The following SEC22A variants were observed in gnomAD, a reference collection of about 807,000 sequenced individuals.
SEC22A encodes the protein vesicle-trafficking protein SEC22a.
SEC22A carries 22 observed loss-of-function variants against 35.3 expected under a neutral mutation model. The observed-to-expected ratio is 0.62, with a 90% confidence interval of 0.45 to 0.89. The LOEUF (loss-of-function observed/expected upper bound fraction) is 0.89. Among genes scored for constraint, SEC22A ranks in the 40% least tolerant of loss-of-function variants. The pLI is 0.00. For synonymous variants in SEC22A, 119 were observed against 129.5 expected (o/e 0.92, Z 0.55); for missense variants, 354 against 362.5 (o/e 0.98, Z 0.19).
At chr3:123,217,933 T>C (rs1937061424) in intron 2 of SEC22A, among the ~76,000 whole-genome samples, 1 of 152,226 alleles carries the variant, frequency 6.6e-6, no homozygotes, top group South Asian at 2.1e-4. Context: ...GAGGAAGATA[T>C]TTGCTATTAC....
At position 123,232,612 on chromosome 3, in the gene SEC22A, C is replaced by T. The variant is rs558169032; in HGVS notation, c.541+7315C>T. 2.2e-4 allele frequency among the ~76,000 whole-genome samples: 33 copies of T among 152,100 alleles called. No individual in the cohort carries two copies. The East Asian group carries it at 3.5e-3, about 16-fold the overall frequency. ...CTGTAATCCCACCACTTTGGGAGGC[C>T]GAAGCAGGTAGATGGCTTGAGCTCA... On this transcript the variant is annotated intron_variant, in intron 4 of 6. Transcript: ENST00000492595.
At chr3:123,214,502 C>T (rs930871836) in intron 2 of SEC22A, among the ~76,000 whole-genome samples, 17 of 152,264 alleles carry the variant, frequency 1.1e-4, no homozygotes, top group African/African-American at 3.4e-4. Flanking sequence ...GTGATTTCTT[C>T]TCACATTCTA....
At chr3:123,271,220 T>G (rs935542629) in intron 6 of SEC22A, among the ~76,000 whole-genome samples, 1 of 152,196 alleles carries the variant, frequency 6.6e-6, no homozygotes, top group Non-Finnish European at 1.5e-5. Flanking sequence ...CCTGTCACCA[T>G]GGGGAATTTG....
intron 6 of SEC22A, among the ~76,000 whole-genome samples, chr3:123,262,910 G>A (rs184214008): frequency 2.4e-4 from 36 of 152,222 alleles, no homozygotes; most frequent in African/African-American, 7.5e-4. Context: ...GAGATCTTAC[G>A]TACCCTTTAC....
At chr3:123,229,480 T>A (rs901810336) in intron 4 of SEC22A, among the ~76,000 whole-genome samples, 3 of 152,148 alleles carry the variant, frequency 2.0e-5, no homozygotes, top group Non-Finnish European at 4.4e-5. Flanking sequence ...AGTTATCTTT[T>A]AAAAAAATGA....
chr3:123,202,468 T>C (rs9860932), intron 1 of SEC22A, among the ~76,000 whole-genome samples: 29,871 of 151,956 alleles, frequency 0.2, 3,036 homozygotes, highest in Middle Eastern at 0.28. Flanking sequence ...TACTTTACGT[T>C]TTGTGGGGAT....
chr3:123,250,588 C>T (rs941363202), intron 5 of SEC22A, among the ~76,000 whole-genome samples: 1 of 152,098 alleles, frequency 6.6e-6, no homozygotes, highest in South Asian at 2.1e-4. Flanking sequence ...TATGGAGGGA[C>T]GAGTCTTCCT....
intron 2 of SEC22A, among the ~76,000 whole-genome samples, 166 bp from the exon 3 acceptor site, chr3:123,223,393 T>C (rs1332651155): frequency 6.6e-6 from 1 of 152,218 alleles, no homozygotes; most frequent in Non-Finnish European, 1.5e-5. Context: ...CTTAAAATAG[T>C]GCTGTATTTT....
intron 6 of SEC22A, among the ~76,000 whole-genome samples, chr3:123,265,487 C>T (rs558772139): frequency 1.3e-5 from 2 of 149,916 alleles, no homozygotes; most frequent in African/African-American, 4.9e-5. Flanking sequence ...TTAATGGTTT[C>T]AGATCAGTCT....
chr3:123,267,128 G>C (rs1293852339), intron 6 of SEC22A, among the ~76,000 whole-genome samples: 1 of 151,766 alleles, frequency 6.6e-6, no homozygotes, highest in African/African-American at 2.4e-5. Flanking sequence ...CCTTTACTTT[G>C]AACTTTCCTA....
Position 123,272,613 on chromosome 3 carries a change from G to A in SEC22A, c.*891G>A, listed in dbSNP as rs143314949. 3.8e-4 allele frequency: 58 copies of A among 152,428 alleles called. No homozygotes were observed. The highest frequency in any genetic ancestry group is 1.8e-3 in the Admixed American group (27 of 15,284). The allele number at this position is 152,428 out of a possible 1,614,324, so 9.4% of individuals were successfully genotyped here. A position where few individuals can be genotyped will look rare whatever the true frequency, so the allele number is the denominator to read the frequency against. Reference sequence around the variant, plus strand: ...ACACAAAAAATGTTGTTCAGTTCTAGCTAGAAACTAATGCCTAGAAAGGCT... The same window carrying A: ...ACACAAAAAATGTTGTTCAGTTCTAACTAGAAACTAATGCCTAGAAAGGCT... On this transcript the variant is annotated 3_prime_UTR_variant, in exon 7 of 7. Transcript: ENST00000492595.
At chr3:123,237,021 A>C (rs1463095831) in intron 4 of SEC22A, among the ~76,000 whole-genome samples, 1 of 152,228 alleles carries the variant, frequency 6.6e-6, no homozygotes, top group African/African-American at 2.4e-5. Context: ...TAGCAGCGAA[A>C]ACTTTCGGTC....
At chr3:123,210,075 A>G (rs945970981) in intron 2 of SEC22A, among the ~76,000 whole-genome samples, 4 of 152,230 alleles carry the variant, frequency 2.6e-5, no homozygotes, top group Non-Finnish European at 5.9e-5. Context: ...CAAGTTATGT[A>G]GTGAGTTTGG....
At chr3:123,232,174 A>G (rs1314309964) in intron 4 of SEC22A, among the ~76,000 whole-genome samples, 1 of 152,180 alleles carries the variant, frequency 6.6e-6, no homozygotes, top group Non-Finnish European at 1.5e-5. Context: ...TGGGAGGTGG[A>G]GGTTGCAGTG....
intron 5 of SEC22A, among the ~76,000 whole-genome samples, chr3:123,253,409 T>C (rs1937641048): frequency 6.6e-6 from 1 of 152,164 alleles, no homozygotes. Context: ...GTTGATGCCT[T>C]TTAAAGAAAT....
chr3:123,253,924 TTAAA>T (rs1479847338), intron 5 of SEC22A, among the ~76,000 whole-genome samples: 4 of 150,214 alleles, frequency 2.7e-5, no homozygotes, highest in African/African-American at 9.8e-5. Context: ...ATAATAAAGA[TTAAA>T]TAACATTAAA....
At chr3:123,220,896 ATG>A (rs1559753298) in intron 2 of SEC22A, among the ~76,000 whole-genome samples, 49 of 141,378 alleles carry the variant, frequency 3.5e-4, no homozygotes, top group African/African-American at 1.3e-3. Flanking sequence ...ATATATATAT[ATG>A]TCACATGTAT....
chr3:123,224,501 T>C (rs1467587212), intron 3 of SEC22A, among the ~76,000 whole-genome samples: 1 of 152,184 alleles, frequency 6.6e-6, no homozygotes, highest in Non-Finnish European at 1.5e-5. Flanking sequence ...TCTATAAAAA[T>C]CAAGACTTTG....
intron 5 of SEC22A, among the ~76,000 whole-genome samples, chr3:123,257,614 G>A (rs1408987886): frequency 1.3e-5 from 2 of 152,018 alleles, no homozygotes; most frequent in Non-Finnish European, 1.5e-5. Context: ...CAGGAGAATC[G>A]CTTGAACCTG....
Sources: gnomAD v4.1 joint callset for allele counts (sites outside exome capture counted in the v4.1 genomes callset) on GRCh38, gnomAD v4.1.1 for gene constraint, MANE v1.5 for transcripts, NCBI Gene and HGNC (gene_info 2026-07-23, HGNC 2026-07-21) for gene names.